The following TMEM178B variants were observed in gnomAD, a reference collection of about 807,000 sequenced individuals.
TMEM178B encodes the protein transmembrane protein 178B.
Under a neutral mutation model 31.0 loss-of-function variants are expected in TMEM178B, and 5 were observed. The ratio of observed to expected loss-of-function variants is 0.16; its 90% CI spans 0.08 to 0.34. The LOEUF is 0.34. Ranked by LOEUF, TMEM178B falls within the 10% of genes least tolerant of loss-of-function variation. The probability of loss-of-function intolerance (pLI) is 1.00; values close to 1 mark genes in which losing one functional copy is unlikely to be tolerated. For missense variants in TMEM178B, 275 were observed against 400.3 expected (o/e 0.69, Z 2.67); for synonymous variants, 164 against 164.0 (o/e 1.00, Z 0.00).
At chr7:141,286,886 A>G (rs1026612448) in intron 2 of TMEM178B, among the ~76,000 whole-genome samples, 5 of 152,186 alleles carry the variant, frequency 3.3e-5, no homozygotes, top group Non-Finnish European at 7.3e-5. Flanking sequence ...TTCAAATTTG[A>G]ATTACAAATA....
intron 1 of TMEM178B, among the ~76,000 whole-genome samples, chr7:141,093,061 G>A (rs1422829355): frequency 1.3e-5 from 2 of 152,214 alleles, no homozygotes; most frequent in Non-Finnish European, 2.9e-5. Context: ...AGTGTTTGAA[G>A]GTCATAGGAA....
intron 1 of TMEM178B, among the ~76,000 whole-genome samples, chr7:141,177,664 CTTG>C (rs1796455663): frequency 1.3e-5 from 2 of 152,256 alleles, no homozygotes; most frequent in Middle Eastern, 3.4e-3. Flanking sequence ...ATAGTTAGCT[CTTG>C]TTGTTGAATT....
chr7:141,225,464 A>G (rs1006161843), intron 2 of TMEM178B, among the ~76,000 whole-genome samples: 1 of 152,176 alleles, frequency 6.6e-6, no homozygotes, highest in Non-Finnish European at 1.5e-5. Flanking sequence ...GCAAATGTAT[A>G]GTACTTCATT....
chr7:141,162,634 C>T (rs1006638943), intron 1 of TMEM178B, among the ~76,000 whole-genome samples: 1 of 152,208 alleles, frequency 6.6e-6, no homozygotes, highest in African/African-American at 2.4e-5. Flanking sequence ...GGTACCAACA[C>T]TAGCATTTTA....
At chr7:141,324,934 C>G (rs1447387632) in intron 2 of TMEM178B, among the ~76,000 whole-genome samples, 1 of 152,128 alleles carries the variant, frequency 6.6e-6, no homozygotes, top group African/African-American at 2.4e-5. Flanking sequence ...CTCTTTGTGA[C>G]AGCATCGTGG....
chr7:141,409,135 T>C (rs777379174), intron 2 of TMEM178B, among the ~76,000 whole-genome samples: 2 of 151,990 alleles, frequency 1.3e-5, no homozygotes, highest in African/African-American at 2.4e-5. Flanking sequence ...CAGGTGTGCA[T>C]TGGGGAAAGA....
intron 3 of TMEM178B, among the ~76,000 whole-genome samples, chr7:141,463,995 C>T (rs1048174477): frequency 2.0e-5 from 3 of 152,014 alleles, no homozygotes; most frequent in Non-Finnish European, 4.4e-5. Flanking sequence ...TCTTTGAGGG[C>T]GAAAGTAGAA....
intron 1 of TMEM178B, among the ~76,000 whole-genome samples, chr7:141,159,795 G>A (rs895945200): frequency 2.0e-5 from 3 of 151,988 alleles, no homozygotes; most frequent in Admixed American, 6.6e-5. Context: ...TAGAAGGGTG[G>A]TCGTCAGGGG....
At chr7:141,229,553 T>C (rs1797407342) in intron 2 of TMEM178B, among the ~76,000 whole-genome samples, 1 of 152,104 alleles carries the variant, frequency 6.6e-6, no homozygotes, top group Admixed American at 6.5e-5. Flanking sequence ...AGATGAAACA[T>C]AATTATTATA....
chr7:141,304,975 T>C (rs1297638746), intron 2 of TMEM178B, among the ~76,000 whole-genome samples: 1 of 152,178 alleles, frequency 6.6e-6, no homozygotes, highest in East Asian at 1.9e-4. Flanking sequence ...TCTCCCAAAC[T>C]TTTTCAACAG....
At chr7:141,336,039 A>G (rs546361049) in intron 2 of TMEM178B, among the ~76,000 whole-genome samples, 2 of 152,284 alleles carry the variant, frequency 1.3e-5, no homozygotes, top group Non-Finnish European at 2.9e-5. Flanking sequence ...GTAATTTAAA[A>G]TGTTTGACAG....
At chr7:141,361,207 C>G (rs1230039711) in intron 2 of TMEM178B, among the ~76,000 whole-genome samples, 1 of 152,114 alleles carries the variant, frequency 6.6e-6, no homozygotes, top group South Asian at 2.1e-4. Context: ...GGCTGGTGGT[C>G]CTTGCTCCTT....
At chr7:141,122,882 C>G (rs1162858465) in intron 1 of TMEM178B, among the ~76,000 whole-genome samples, 1 of 152,162 alleles carries the variant, frequency 6.6e-6, no homozygotes, top group African/African-American at 2.4e-5. Flanking sequence ...GCTTCCATAG[C>G]CAAACATTAT....
chr7:141,322,548 TCAAA>T (rs1434068453), intron 2 of TMEM178B, among the ~76,000 whole-genome samples: 1 of 151,766 alleles, frequency 6.6e-6, no homozygotes, highest in South Asian at 2.1e-4. Context: ...AATCAATCAA[TCAAA>T]CAAACAAAGA....
chr7:141,356,638 T>C (rs954154699), intron 2 of TMEM178B, among the ~76,000 whole-genome samples: 2 of 139,538 alleles, frequency 1.4e-5, no homozygotes, highest in Admixed American at 7.0e-5. Flanking sequence ...CAGACCATAG[T>C]TGCGGGGTTG....
At chr7:141,490,638 C>A in the TMEM178B span, among the ~76,000 whole-genome samples, 28 of 152,328 alleles carry the variant, frequency 1.8e-4, no homozygotes, top group Non-Finnish European at 3.4e-4. Context: ...GCTCGTACAC[C>A]TATTGAGTGT....
rs189840777 is a variant in TMEM178B at position 141,209,031 on chromosome 7, C to A, written c.383-3560C>A. On this transcript the variant is annotated intron_variant, in intron 1 of 3. Coordinates refer to ENST00000565468, the MANE Select transcript of TMEM178B (RefSeq NM_001195278.2). The stretch of plus-strand genomic sequence containing the variant: ...CAGACCTTCTGGCAGGGGCAGCCCC[C>A]AACACCCTCCAGCAGGGTGCAAGCC... Among the ~76,000 whole-genome samples the A allele has an allele frequency of 1.5e-3, 230 of 152,316 alleles. 2 individuals carry two copies. The highest frequency in any genetic ancestry group is 4.1e-3 in the East Asian group (21 of 5,184).
Position 141,269,299 on chromosome 7 carries a change from C to T in TMEM178B, c.496+56595C>T, listed in dbSNP as rs1798143669. Among the ~76,000 whole-genome samples, 7 of 152,168 alleles carry T rather than the reference C, an allele frequency of 4.6e-5. 2 individuals are homozygous for T. In the South Asian group the frequency reaches 1.5e-3, roughly 32 times the overall value. On this transcript the variant is annotated intron_variant, in intron 2 of 3. Coordinates refer to ENST00000565468, the MANE Select transcript of TMEM178B (RefSeq NM_001195278.2). ...AGAGATGGGGTTTCACCACGCTGGC[C>T]AGGCTGGTTTTGAACTCCTGACCTC...
intron 2 of TMEM178B, among the ~76,000 whole-genome samples, chr7:141,281,864 A>G (rs1306864526): frequency 6.6e-6 from 1 of 152,218 alleles, no homozygotes; most frequent in Admixed American, 6.5e-5. Flanking sequence ...CTGGGGGCCC[A>G]GTCAAGAGTG....
Sources: allele counts gnomAD v4.1 joint callset (sites outside exome capture counted in the v4.1 genomes callset), GRCh38; gene constraint gnomAD v4.1.1; transcripts MANE v1.5; gene names NCBI Gene and HGNC (gene_info 2026-07-23, HGNC 2026-07-21).